Variants in LPGAT1 observed in about 807,000 individuals in gnomAD.
The protein encoded by LPGAT1 is lysophosphatidylglycerol acyltransferase 1, also known as acyl-CoA:lysophosphatidylglycerol acyltransferase 1.
LPGAT1 carries 11 observed loss-of-function variants against 47.5 expected under a neutral mutation model. The observed-to-expected ratio is 0.23, with a 90% CI of 0.15 to 0.38. LPGAT1 has a LOEUF of 0.38. Ranked by LOEUF, LPGAT1 falls within the 10% of genes least tolerant of loss-of-function variation. The pLI is 1.00. For missense variants in LPGAT1, 293 were observed against 439.0 expected, an observed-to-expected ratio of 0.67 and a Z score of 2.97; for synonymous variants, 138 against 144.2, an observed-to-expected ratio of 0.96 and a Z score of 0.31.
intron 2 of LPGAT1, among the ~76,000 whole-genome samples, chr1:211,795,939 A>G (rs576628308): frequency 6.6e-6 from 1 of 152,298 alleles, no homozygotes; most frequent in Admixed American, 6.5e-5. Flanking sequence ...GCTTGGTTCT[A>G]TAAATAGTGG....
intron 5 of LPGAT1, 54 bp from the exon 6 acceptor site, chr1:211,779,098 A>T: frequency 7.1e-7 from 1 of 1,414,448 alleles, no homozygotes; most frequent in Non-Finnish European, 9.6e-7. Context: ...TATTATCTGC[A>T]GCAAATAACA....
At chr1:211,823,965 A>C (rs906100898) in intron 2 of LPGAT1, among the ~76,000 whole-genome samples, 1 of 152,016 alleles carries the variant, frequency 6.6e-6, no homozygotes, top group Non-Finnish European at 1.5e-5. Flanking sequence ...AAATTAACAA[A>C]TGTGGTATTT....
At chr1:211,752,591 C>A (rs755758471) in intron 6 of LPGAT1, among the ~76,000 whole-genome samples, 8 of 152,180 alleles carry the variant, frequency 5.3e-5, no homozygotes, top group Non-Finnish European at 8.8e-5. Flanking sequence ...CCAGATGGTA[C>A]AAAAGACCCC....
At chr1:211,780,730 T>G (rs1363646684) in intron 5 of LPGAT1, among the ~76,000 whole-genome samples, 2 of 152,182 alleles carry the variant, frequency 1.3e-5, no homozygotes, top group African/African-American at 2.4e-5. Context: ...ATGATATACA[T>G]GCTGAAATGT....
Position 211,744,776 on chromosome 1 carries a change from C to T in LPGAT1, c.*5123G>A, listed in dbSNP as rs1656876801. 6.6e-6 allele frequency: 1 copy of T among 151,344 alleles called. No individual in the cohort carries two copies. Among genetic ancestry groups the T allele is most frequent in the Admixed American group, 6.6e-5 (1 of 15,250 alleles). 9.4% of individuals were successfully genotyped at this position (151,344 alleles called of 1,614,324 possible). A position where few individuals can be genotyped will look rare whatever the true frequency, so the allele number is the denominator to read the frequency against. ...AACTGCTAAACATTTACCAGCACAC[C>T]ACTGGATTGGGAGAATGGGGAGAAA... On this transcript the variant is annotated 3_prime_UTR_variant, in exon 8 of 8. Coordinates refer to ENST00000366997, the MANE Select transcript of LPGAT1 (RefSeq NM_014873.3).
chr1:211,786,401 C>T (rs12129627), intron 4 of LPGAT1, among the ~76,000 whole-genome samples: 12,711 of 152,198 alleles, frequency 0.084, 651 homozygotes, highest in Admixed American at 0.15. Flanking sequence ...GTGCAAAGCA[C>T]GGCACAATCC....
At chr1:211,807,461 A>G (rs1009798336) in intron 2 of LPGAT1, among the ~76,000 whole-genome samples, 2 of 151,444 alleles carry the variant, frequency 1.3e-5, no homozygotes, top group South Asian at 2.1e-4. Context: ...AATAACTTTG[A>G]AAAAAAAATA....
chr1:211,825,334 G>A (rs1660514528), intron 2 of LPGAT1, among the ~76,000 whole-genome samples: 1 of 151,356 alleles, frequency 6.6e-6, no homozygotes, highest in Non-Finnish European at 1.5e-5. Context: ...TAAGATTACA[G>A]GCATAAGCCA....
chr1:211,830,631 TGGCCGGCGGCGG>T lies in LPGAT1; in HGVS notation c.-98_-87del. 8 of 1,197,646 alleles carry T rather than the reference TGGCCGGCGGCGG, an allele frequency of 6.7e-6. No individual in the cohort carries two copies. The Middle Eastern group carries it at 1.3e-3, about 200-fold the overall frequency. 74.2% of individuals were successfully genotyped at this position (1,197,646 alleles called of 1,614,324 possible). On this transcript the variant is annotated 5_prime_UTR_variant, in exon 1 of 8. Transcript: ENST00000366997. This position sits in a 1 kb window ranked among gnomAD's most constrained non-coding sequence, Gnocchi z 5.9. ...GAGTCAGAGGAGCCGGAAGAATGCA[TGGCCGGCGGCGG>T]GGCCGGCGGAAGAAGGCGGTGGCGG...
At chr1:211,781,371 G>A (rs1658636687) in intron 5 of LPGAT1, among the ~76,000 whole-genome samples, 1 of 152,208 alleles carries the variant, frequency 6.6e-6, no homozygotes, top group Non-Finnish European at 1.5e-5. Context: ...TTTTAGAACA[G>A]CAGTCTTTAT....
intron 6 of LPGAT1, 61 bp downstream of exon 6, chr1:211,778,857 T>C: frequency 7.7e-7 from 1 of 1,299,838 alleles, no homozygotes; most frequent in Non-Finnish European, 1.0e-6. Context: ...TATTAAGACA[T>C]TCATACTATT....
chr1:211,826,786 A>T (rs1660557151), intron 2 of LPGAT1, among the ~76,000 whole-genome samples: 1 of 152,134 alleles, frequency 6.6e-6, no homozygotes, highest in Non-Finnish European at 1.5e-5. Context: ...GGCAATTTTT[A>T]TTCTAAAACA....
At chr1:211,763,159 C>G (rs1657772180) in intron 6 of LPGAT1, among the ~76,000 whole-genome samples, 1 of 152,122 alleles carries the variant, frequency 6.6e-6, no homozygotes, top group African/African-American at 2.4e-5. Flanking sequence ...AAGAAGAATG[C>G]TATGGTTTGA....
At chr1:211,821,725 A>G (rs1243812272) in intron 2 of LPGAT1, among the ~76,000 whole-genome samples, 1 of 152,210 alleles carries the variant, frequency 6.6e-6, no homozygotes, top group Non-Finnish European at 1.5e-5. Flanking sequence ...ACAAGGATTA[A>G]AAAGAGTTTT....
chr1:211,791,774 CAA>C (rs78791498), intron 3 of LPGAT1, among the ~76,000 whole-genome samples: 2 of 121,762 alleles, frequency 1.6e-5, no homozygotes, highest in East Asian at 2.3e-4. Context: ...AACAAACAAA[CAA>C]AAAAAAAAAA....
At chr1:211,785,526 T>A (rs905443394) in intron 4 of LPGAT1, among the ~76,000 whole-genome samples, 1 of 152,068 alleles carries the variant, frequency 6.6e-6, no homozygotes, top group East Asian at 1.9e-4. Context: ...AAACTTCACA[T>A]AGTAATCACA....
chr1:211,827,758 A>C (rs1660582040), intron 2 of LPGAT1, among the ~76,000 whole-genome samples: 1 of 152,204 alleles, frequency 6.6e-6, no homozygotes. Context: ...GTCCTAAAAA[A>C]GGGCTAGAAG....
Position 211,830,696 on chromosome 1 carries a change from G to A in LPGAT1, c.-151C>T. On this transcript the variant is annotated 5_prime_UTR_variant, in exon 1 of 8. Coordinates refer to ENST00000366997, the MANE Select transcript of LPGAT1 (RefSeq NM_014873.3). This position sits in a 1 kb window ranked among gnomAD's most constrained non-coding sequence, Gnocchi z 5.9. ...CCCTGCCCCGCTCCGGCTGTGGCGC[G>A]GCCCGCGCCCGTTCCCCGGCGGCGC... 8.4e-7 allele frequency: 1 copy of A among 1,188,544 alleles called. No individual in the cohort carries two copies. The highest frequency in any genetic ancestry group is 1.0e-6 in the Non-Finnish European group (1 of 961,450). The allele number at this position is 1,188,544 out of a possible 1,614,324, so 73.6% of individuals were successfully genotyped here.
intron 3 of LPGAT1, among the ~76,000 whole-genome samples, 181 bp downstream of exon 3, chr1:211,792,891 T>C (rs1286632161): frequency 6.6e-6 from 1 of 152,056 alleles, no homozygotes; most frequent in Non-Finnish European, 1.5e-5. Context: ...TCTGTATTTT[T>C]AGTAGAGATG....
Sources: allele counts gnomAD v4.1 joint callset (sites outside exome capture counted in the v4.1 genomes callset), GRCh38; gene constraint gnomAD v4.1.1; non-coding constraint Gnocchi (gnomAD v3.1); transcripts MANE v1.5; gene names NCBI Gene and HGNC (gene_info 2026-07-23, HGNC 2026-07-21).